Variants in MORC1 observed in about 807,000 individuals in gnomAD.
MORC1 encodes the protein MORC family CW-type zinc finger 1.
MORC1 carries 59 observed loss-of-function variants against 134.9 expected under a neutral mutation model. That is an observed-to-expected ratio of 0.44 (90% CI 0.35 to 0.54). MORC1 has a LOEUF of 0.54. Ranked by LOEUF, MORC1 falls within the 20% of genes least tolerant of loss-of-function variation. The probability of loss-of-function intolerance (pLI) is 0.00; values close to 1 mark genes in which losing one functional copy is unlikely to be tolerated. For missense variants in MORC1, 947 were observed against 1,134.5 expected, an observed-to-expected ratio of 0.83 and a Z score of 2.37; for synonymous variants, 395 against 391.7, an observed-to-expected ratio of 1.01 and a Z score of -0.10.
At chr3:109,029,080 C>A (rs1463517116) in intron 16 of MORC1, among the ~76,000 whole-genome samples, 2 of 152,196 alleles carry the variant, frequency 1.3e-5, no homozygotes, top group Non-Finnish European at 2.9e-5. Context: ...TGAGACCCAT[C>A]ACTTCTCTGT....
intron 16 of MORC1, among the ~76,000 whole-genome samples, chr3:109,028,925 G>A (rs1949163680): frequency 6.6e-6 from 1 of 151,996 alleles, no homozygotes; most frequent in Non-Finnish European, 1.5e-5. Flanking sequence ...GGTAGGGAGG[G>A]GAGGAGTTCC....
At chr3:109,097,066 A>G (rs1018658610) in intron 6 of MORC1, among the ~76,000 whole-genome samples, 1 of 152,190 alleles carries the variant, frequency 6.6e-6, no homozygotes, top group Non-Finnish European at 1.5e-5. Context: ...TTCCAAATCA[A>G]AAAGACCCAG....
chr3:109,049,005 C>G (rs896256462), intron 14 of MORC1: 4 of 233,938 alleles, frequency 1.7e-5, no homozygotes, highest in Non-Finnish European at 2.8e-5. Flanking sequence ...TTAAGTAAAA[C>G]GGGTACATAC....
chr3:109,034,758 T>A (rs113124578), intron 15 of MORC1, among the ~76,000 whole-genome samples: 15 of 152,236 alleles, frequency 9.9e-5, no homozygotes, highest in African/African-American at 1.9e-4. Flanking sequence ...TTAATTAATT[T>A]ATTTTTTTGA....
chr3:108,999,687 T>C (rs16855169), intron 21 of MORC1, among the ~76,000 whole-genome samples: 4,769 of 152,228 alleles, frequency 0.031, 236 homozygotes, highest in African/African-American at 0.11. Flanking sequence ...TCACTTATCA[T>C]GTCAATAATA....
Position 108,984,743 on chromosome 3 carries a change from C to T in MORC1, c.2297G>A (p.Arg766Lys). 1 of 1,609,414 alleles carries T rather than the reference C, an allele frequency of 6.2e-7. No individual in the cohort carries two copies. The highest frequency in any genetic ancestry group is 8.5e-7 in the Non-Finnish European group (1 of 1,178,664). Reference protein sequence around the residue: ...ELCNDVLAMKRSSSLPSWKSL... With the variant: ...ELCNDVLAMKKSSSLPSWKSL... ...TTTCCAGCTAGGTAATGAAGAGCTT[C>T]TTTTCATTGCTAGAACATCATTGCA... is the stretch of plus-strand genomic sequence containing the variant. The change falls in exon 23 of 28, where the codon AGA becomes AAA. Residue 766 changes from arginine (R) to lysine (K), a missense_variant. By Grantham distance (26) the Arg-to-Lys change is conservative. Around this residue, in one of 3 missense-constraint regions of MORC1, gnomAD observed 722 missense variants for 817.0 expected, o/e 0.88. Coordinates refer to ENST00000232603, the MANE Select transcript of MORC1 (RefSeq NM_014429.4).
chr3:108,988,039 TG>T lies in MORC1; in HGVS notation c.2188-1091del, dbSNP rs1018566311. On this transcript the variant is annotated intron_variant, in intron 21 of 27. Transcript: ENST00000232603. ...CAGGTTTTTTGAAGTTTGCTCATTG[TG>T]GACATATCTTTCATCTTTCATGCCC... Among the ~76,000 whole-genome samples the T allele has an allele frequency of 9.0e-4, 137 of 152,250 alleles. 3 individuals are homozygous for T. The highest frequency in any genetic ancestry group is 3.2e-3 in the African/African-American group (131 of 41,540).
chr3:109,037,779 T>C (rs1345504302), intron 14 of MORC1, among the ~76,000 whole-genome samples: 1 of 145,400 alleles, frequency 6.9e-6, no homozygotes, highest in East Asian at 1.9e-4. Context: ...AACTCATCCT[T>C]TTTTATGGCA....
intron 24 of MORC1, among the ~76,000 whole-genome samples, chr3:108,979,114 A>G (rs996873182): frequency 6.6e-6 from 1 of 152,196 alleles, no homozygotes; most frequent in African/African-American, 2.4e-5. Context: ...CATTCTACAC[A>G]GAACAAAACA....
chr3:109,015,698 A>G (rs938939039), intron 17 of MORC1, among the ~76,000 whole-genome samples: 6 of 152,104 alleles, frequency 3.9e-5, no homozygotes, highest in African/African-American at 1.4e-4. Context: ...CTTTCTCTGA[A>G]TTTACTATAC....
intron 17 of MORC1, among the ~76,000 whole-genome samples, chr3:109,026,126 A>T (rs1054792686): frequency 5.3e-5 from 8 of 152,184 alleles, no homozygotes; most frequent in Admixed American, 5.2e-4. Context: ...TGGTTACCAC[A>T]AAAGCAGGGT....
chr3:109,005,112 T>G lies in MORC1; in HGVS notation c.1971A>C (p.Pro657=). The G allele has an allele frequency of 3.1e-6, 5 of 1,613,034 alleles. No homozygotes were observed. The highest frequency in any genetic ancestry group is 4.2e-6 in the Non-Finnish European group (5 of 1,179,708). ...GTTTGACATTTTCTGGCAGAGCTAC[T>G]GGAATTCTCTGCTGTTGAGAGTTCA... ...EKMNSQQQRI[P]VALPENVKLA... Residue 657 remains proline, a synonymous_variant, in exon 19 of 28, where the codon CCA becomes CCC. Coordinates refer to ENST00000232603, the MANE Select transcript of MORC1 (RefSeq NM_014429.4).
intron 8 of MORC1, among the ~76,000 whole-genome samples, chr3:109,089,588 A>C (rs1482548156): frequency 6.6e-6 from 1 of 152,124 alleles, no homozygotes; most frequent in Non-Finnish European, 1.5e-5. Flanking sequence ...GAATTAACTA[A>C]GGATTTTGTT....
In MORC1 at chr3:109,099,402, C is replaced by T. The variant is rs748339605; in HGVS notation, c.379G>A (p.Val127Met). 3.1e-6 allele frequency: 5 copies of T among 1,613,042 alleles called. No homozygotes were observed. The highest frequency in any genetic ancestry group is 1.3e-5 in the African/African-American group (1 of 74,878). The change falls in exon 6 of 28, where the codon GTG (valine) becomes ATG (methionine). Residue 127 changes from valine to methionine, a missense_variant. Physicochemically the swap from Val to Met is conservative, Grantham distance 21. Transcript: ENST00000232603. ...TCACAGAATGTCTGAGAAAAAAACA[C>T]ACAGGTCATCGTTTCTTCCTTCTTC... ...FTKKEETMTC[V>M]FFSQTFCEEE...
intron 14 of MORC1, among the ~76,000 whole-genome samples, chr3:109,043,198 G>C (rs937183772): frequency 1.2e-4 from 14 of 119,898 alleles, no homozygotes; most frequent in South Asian, 3.3e-4. Context: ...TGGGGGGGGG[G>C]GGGTGTGTAT....
intron 24 of MORC1, among the ~76,000 whole-genome samples, chr3:108,972,624 G>A (rs935897626): frequency 1.3e-5 from 2 of 152,130 alleles, no homozygotes; most frequent in Non-Finnish European, 2.9e-5. Context: ...TATGAGATGA[G>A]AAGAAATCAT....
intron 3 of MORC1, among the ~76,000 whole-genome samples, chr3:109,110,504 C>A (rs1951139262): frequency 6.6e-6 from 1 of 152,138 alleles, no homozygotes; most frequent in African/African-American, 2.4e-5. Flanking sequence ...TGCTCCAAAT[C>A]ACTCTGATAC....
chr3:109,020,252 G>A, intron 17 of MORC1, among the ~76,000 whole-genome samples: 1 of 152,158 alleles, frequency 6.6e-6, no homozygotes, highest in East Asian at 1.9e-4. Flanking sequence ...TAGTGGTCTT[G>A]GCTTGTGCCT....
intron 3 of MORC1, among the ~76,000 whole-genome samples, chr3:109,104,988 C>T (rs559048114): frequency 5.3e-5 from 8 of 152,286 alleles, no homozygotes; most frequent in South Asian, 2.1e-4. Context: ...GACCCTTCCA[C>T]GTCCCATCAC....
Sources: allele counts gnomAD v4.1 joint callset (sites outside exome capture counted in the v4.1 genomes callset), GRCh38; gene constraint gnomAD v4.1.1; regional missense constraint gnomAD v4.1.1; transcripts MANE v1.5; gene names NCBI Gene and HGNC (gene_info 2026-07-23, HGNC 2026-07-21).